The following PAX5 variants were observed in gnomAD, a reference collection of about 807,000 sequenced individuals.
PAX5 encodes paired box 5.
PAX5 carries 9 observed loss-of-function variants against 43.7 expected under a neutral mutation model. The ratio of observed to expected loss-of-function variants is 0.21; its 90% CI spans 0.12 to 0.36. PAX5 has a LOEUF of 0.36. PAX5 is among the 10% of genes least tolerant of loss of function. The pLI is 1.00. For missense variants in PAX5, 383 were observed against 532.7 expected, an observed-to-expected ratio of 0.72 and a Z score of 2.77; for synonymous variants, 228 against 214.3, an observed-to-expected ratio of 1.06 and a Z score of -0.56.
chr9:36,981,193 CCCCT>C (rs1564035444), intron 5 of PAX5, among the ~76,000 whole-genome samples: 4 of 150,056 alleles, frequency 2.7e-5, no homozygotes, highest in East Asian at 2.0e-4. Context: ...AAGCCCCCCC[CCCCT>C]CAGCCCTGCT....
intron 8 of PAX5, among the ~76,000 whole-genome samples, chr9:36,856,960 G>A (rs1040683819): frequency 6.6e-6 from 1 of 152,160 alleles, no homozygotes; most frequent in African/African-American, 2.4e-5. Context: ...GTTGCCAGAA[G>A]CCCCCATCCC....
chr9:36,915,897 C>A (rs1017314172), intron 7 of PAX5, among the ~76,000 whole-genome samples: 3 of 151,890 alleles, frequency 2.0e-5, no homozygotes, highest in African/African-American at 4.8e-5. Flanking sequence ...CATAGGGAGA[C>A]CCTGTCTCTA....
chr9:37,002,814 G>A (rs757102322), intron 4 of PAX5, 38 bp from the exon 5 acceptor site: 2 of 1,579,628 alleles, frequency 1.3e-6, no homozygotes, highest in Non-Finnish European at 8.6e-7. Context: ...GCCGCAGAGG[G>A]CTGAGGGCGG....
At chr9:36,888,497 T>C (rs1054053062) in intron 7 of PAX5, among the ~76,000 whole-genome samples, 1 of 152,216 alleles carries the variant, frequency 6.6e-6, no homozygotes, top group Non-Finnish European at 1.5e-5. Context: ...GAAATGACTA[T>C]GCTACGTGAA....
At chr9:36,925,577 CA>C (rs981319172) in intron 6 of PAX5, among the ~76,000 whole-genome samples, 1 of 152,118 alleles carries the variant, frequency 6.6e-6, no homozygotes, top group African/African-American at 2.4e-5. Context: ...ATAAACAGAG[CA>C]GGGGTAACTG....
intron 5 of PAX5, among the ~76,000 whole-genome samples, chr9:36,994,004 G>T (rs529781441): frequency 4.6e-5 from 7 of 152,168 alleles, no homozygotes; most frequent in Non-Finnish European, 1.0e-4. Context: ...GTTCAGCGGC[G>T]TTGGCTCTCA....
intron 7 of PAX5, among the ~76,000 whole-genome samples, chr9:36,893,024 G>T (rs138346974): frequency 4.7e-4 from 72 of 152,286 alleles, no homozygotes; most frequent in African/African-American, 1.5e-3. Context: ...TTGGGAGTGG[G>T]AGATTTATTT....
chr9:36,991,706 C>G (rs1231903801), intron 5 of PAX5, among the ~76,000 whole-genome samples: 3 of 102,646 alleles, frequency 2.9e-5, no homozygotes, highest in South Asian at 5.0e-4. Context: ...TACCCTACCC[C>G]TCTTGTTCCT....
intron 8 of PAX5, among the ~76,000 whole-genome samples, chr9:36,880,886 C>G (rs1049492205): frequency 1.3e-5 from 2 of 152,148 alleles, no homozygotes; most frequent in Non-Finnish European, 1.5e-5. Context: ...CCCAGTCTGG[C>G]TTTTTTAGGT....
At chr9:36,910,280 C>A (rs1337077409) in intron 7 of PAX5, among the ~76,000 whole-genome samples, 3 of 152,094 alleles carry the variant, frequency 2.0e-5, no homozygotes, top group Non-Finnish European at 4.4e-5. Context: ...CCCATTGTCC[C>A]TTTTTTACGC....
chr9:36,940,857 G>T (rs1436120028), intron 6 of PAX5, among the ~76,000 whole-genome samples: 1 of 152,168 alleles, frequency 6.6e-6, no homozygotes, highest in Non-Finnish European at 1.5e-5. Context: ...GCACCCGGCA[G>T]GTACTCGGAA....
intron 1 of PAX5, among the ~76,000 whole-genome samples, chr9:37,032,753 GC>G (rs1359657661): frequency 6.6e-6 from 1 of 152,150 alleles, no homozygotes; most frequent in Non-Finnish European, 1.5e-5. Flanking sequence ...AGTGAAAGAG[GC>G]CCCCCATACC....
chr9:36,897,041 G>A (rs1827930794), intron 7 of PAX5, among the ~76,000 whole-genome samples: 1 of 152,220 alleles, frequency 6.6e-6, no homozygotes, highest in Non-Finnish European at 1.5e-5. Flanking sequence ...AGTGTGTAGG[G>A]TTCCTTCAGG....
chr9:36,870,983 C>G (rs1825433419), intron 8 of PAX5, among the ~76,000 whole-genome samples: 2 of 152,206 alleles, frequency 1.3e-5, no homozygotes, highest in African/African-American at 4.8e-5. Flanking sequence ...TTCAGCCTCT[C>G]CTTCCCATCC....
intron 8 of PAX5, among the ~76,000 whole-genome samples, chr9:36,862,837 C>A (rs1824352514): frequency 6.6e-6 from 1 of 152,218 alleles, no homozygotes; most frequent in South Asian, 2.1e-4. Flanking sequence ...TGAGCTCCCA[C>A]CTACTCTCAG....
chr9:36,980,200 G>A (rs531741577), intron 5 of PAX5, among the ~76,000 whole-genome samples: 32 of 152,338 alleles, frequency 2.1e-4, no homozygotes, highest in Admixed American at 3.9e-4. Context: ...CCTGAGGGAG[G>A]TGGCTCTTGG....
At chr9:36,849,061 C>A (rs1279343654) in intron 8 of PAX5, among the ~76,000 whole-genome samples, 2 of 152,246 alleles carry the variant, frequency 1.3e-5, no homozygotes, top group Non-Finnish European at 2.9e-5. Context: ...CTCTTCCGAT[C>A]CCAGTCTCCC....
intron 7 of PAX5, among the ~76,000 whole-genome samples, chr9:36,887,607 G>A (rs1428648224): frequency 5.9e-5 from 9 of 152,226 alleles, no homozygotes; most frequent in South Asian, 4.1e-4. Flanking sequence ...ACTATGATTT[G>A]AAACCAGATG....
At position 36,981,808 on chromosome 9, in the gene PAX5, C is replaced by G. The variant is rs1435588278; in HGVS notation, c.605-15084G>C. Among the ~76,000 whole-genome samples the G allele has an allele frequency of 2.0e-5, 3 of 152,394 alleles. No individual in the cohort carries two copies. In the South Asian group the frequency reaches 6.2e-4, roughly 32 times the overall value. Reference sequence around the variant, plus strand: ...TGATCTTACACTTCTCTCAACACATCTGTGCAATGGGGTCAATAAATCATG... The same window carrying G: ...TGATCTTACACTTCTCTCAACACATGTGTGCAATGGGGTCAATAAATCATG... On this transcript the variant is annotated intron_variant, in intron 5 of 9. Transcript: ENST00000358127.
Sources: allele counts gnomAD v4.1 joint callset (sites outside exome capture counted in the v4.1 genomes callset), GRCh38; gene constraint gnomAD v4.1.1; transcripts MANE v1.5; gene names NCBI Gene and HGNC (gene_info 2026-07-23, HGNC 2026-07-21).